Variants in PSMF1 observed in about 807,000 individuals in gnomAD.
PSMF1 encodes proteasome inhibitor PI31 subunit.
Under a neutral mutation model 29.3 loss-of-function variants are expected in PSMF1, and 30 were observed. The observed-to-expected ratio is 1.02, with a 90% CI of 0.77 to 1.39. The LOEUF (loss-of-function observed/expected upper bound fraction) is 1.39, where lower values mean the gene tolerates loss of function less well. Among genes scored for constraint, PSMF1 ranks in the 40% most tolerant of loss-of-function variants. PSMF1 has a pLI of 0.00. For missense variants in PSMF1, 344 were observed against 357.5 expected (o/e 0.96, Z 0.31); for synonymous variants, 134 against 139.7 (o/e 0.96, Z 0.29).
intron 4 of PSMF1, among the ~76,000 whole-genome samples, chr20:1,145,493 A>G (rs976416245): frequency 6.6e-6 from 1 of 152,168 alleles, no homozygotes; most frequent in African/African-American, 2.4e-5. Flanking sequence ...AGCCAGACAG[A>G]GAGTAGGGCA....
Position 1,129,812 on chromosome 20 carries a change from C to T in PSMF1, c.365+2304C>T, listed in dbSNP as rs1447326928. 2.6e-5 allele frequency among the ~76,000 whole-genome samples: 4 copies of T among 152,202 alleles called. No homozygotes were observed. In the South Asian group the frequency reaches 8.3e-4, roughly 31 times the overall value. On this transcript the variant is annotated intron_variant, in intron 3 of 6. Transcript: ENST00000335877. Reference sequence around the variant, plus strand: ...AAATTACCGTATAATCCTGCATGTCCACTTCCGGGCATATACCCAAAAGAA... The same window carrying T: ...AAATTACCGTATAATCCTGCATGTCTACTTCCGGGCATATACCCAAAAGAA...
chr20:1,113,769 T>C (rs1039689312), upstream of PSMF1, among the ~76,000 whole-genome samples: 1 of 152,172 alleles, frequency 6.6e-6, no homozygotes, highest in African/African-American at 2.4e-5. Context: ...CTCAGCTTAC[T>C]GCAAGCTCTG....
intron 1 of PSMF1, among the ~76,000 whole-genome samples, chr20:1,119,753 C>T (rs1232961987): frequency 6.6e-6 from 1 of 152,172 alleles, no homozygotes; most frequent in African/African-American, 2.4e-5. Context: ...CTGTGACCCT[C>T]ATCCCCAACA....
At chr20:1,162,710 G>A (rs1021902725) in intron 4 of PSMF1, among the ~76,000 whole-genome samples, 1 of 152,136 alleles carries the variant, frequency 6.6e-6, no homozygotes, top group African/African-American at 2.4e-5. Flanking sequence ...TGTTCTAGCT[G>A]TATGTGACTC....
At chr20:1,114,214 C>T (rs6039922), upstream of PSMF1, among the ~76,000 whole-genome samples, 16,285 of 152,194 alleles carry the variant, frequency 0.11, 986 homozygotes, top group African/African-American at 0.13. Context: ...TGAGACATGC[C>T]CCACACTGCC....
chr20:1,127,891 AATTGAGC>A (rs2086180088), intron 3 of PSMF1, among the ~76,000 whole-genome samples: 1 of 152,186 alleles, frequency 6.6e-6, no homozygotes, highest in African/African-American at 2.4e-5. Context: ...GTACAAGCAA[AATTGAGC>A]AGAAAGTGCA....
At chr20:1,152,125 A>C (rs2086538818) in intron 4 of PSMF1, among the ~76,000 whole-genome samples, 1 of 152,114 alleles carries the variant, frequency 6.6e-6, no homozygotes, top group African/African-American at 2.4e-5. Flanking sequence ...TGGACGTGTT[A>C]ACATGGTTAA....
chr20:1,170,386 A>C lies in PSMF1; in HGVS notation c.*5306A>C, dbSNP rs551636083. Among the ~76,000 whole-genome samples, 1 of 152,302 alleles carries C rather than the reference A, an allele frequency of 6.6e-6. No homozygotes were observed. The highest frequency in any genetic ancestry group is 1.9e-4 in the East Asian group (1 of 5,192). On this transcript the variant is annotated 3_prime_UTR_variant, in exon 7 of 7. Transcript: ENST00000335877. ...TAATGCATGCATGAACTCTGATTCG[A>C]AGTTTTCGTTGATTTTACCCCCAGT...
rs2086741008 is a variant in PSMF1, at chr20:1,167,225, T to C, written c.*2145T>C. 1 of 152,188 alleles carries C rather than the reference T, an allele frequency of 6.6e-6. No homozygotes were observed. The highest frequency in any genetic ancestry group is 1.5e-5 in the Non-Finnish European group (1 of 68,038). 9.4% of individuals were successfully genotyped at this position (152,188 alleles called of 1,614,324 possible). A position where few individuals can be genotyped will look rare whatever the true frequency, so the allele number is the denominator to read the frequency against. ...TGGGCCACTTCCCTCCTTCCAGTCA[T>C]GAGTAATCATCAAGGAGCAAGTTGG... On this transcript the variant is annotated 3_prime_UTR_variant, in exon 7 of 7. Transcript: ENST00000335877.
At chr20:1,146,655 C>T (rs764070373) in intron 4 of PSMF1, among the ~76,000 whole-genome samples, 3 of 152,120 alleles carry the variant, frequency 2.0e-5, no homozygotes, top group African/African-American at 2.4e-5. Flanking sequence ...TCTCCCCCCA[C>T]GTCAAGGAGA....
chr20:1,138,453 G>A (rs915441389), intron 4 of PSMF1, among the ~76,000 whole-genome samples: 1 of 151,086 alleles, frequency 6.6e-6, no homozygotes, highest in Non-Finnish European at 1.5e-5. Flanking sequence ...AACCCGGGAG[G>A]TGGAGGTTGT....
At chr20:1,145,395 G>A (rs1001761528) in intron 4 of PSMF1, among the ~76,000 whole-genome samples, 2 of 152,088 alleles carry the variant, frequency 1.3e-5, no homozygotes, top group African/African-American at 4.8e-5. Flanking sequence ...GGAGCACATA[G>A]GAAAAGGAAT....
intron 3 of PSMF1, among the ~76,000 whole-genome samples, chr20:1,133,848 G>C (rs1295224106): frequency 6.6e-6 from 1 of 151,676 alleles, no homozygotes; most frequent in Non-Finnish European, 1.5e-5. Context: ...CATTTTGGCT[G>C]AGTTGTAGTT....
Position 1,167,133 on chromosome 20 carries a change from T to C in PSMF1, c.*2053T>C, listed in dbSNP as rs1161889247. On this transcript the variant is annotated 3_prime_UTR_variant, in exon 7 of 7. Coordinates refer to ENST00000335877, the MANE Select transcript of PSMF1 (RefSeq NM_006814.5). ...GAAACACAGTCATTGTCTTAGGTGT[T>C]CTATGGGAGGAAGTGAATAGAGCCT... 1 of 152,182 alleles carries C rather than the reference T, an allele frequency of 6.6e-6. No individual in the cohort carries two copies. Among genetic ancestry groups the C allele is most frequent in the East Asian group, 1.9e-4 (1 of 5,194 alleles). The allele number at this position is 152,182 out of a possible 1,614,324, so 9.4% of individuals were successfully genotyped here.
intron 1 of PSMF1, among the ~76,000 whole-genome samples, chr20:1,124,917 C>T (rs978902280): frequency 6.6e-6 from 1 of 152,186 alleles, no homozygotes; most frequent in African/African-American, 2.4e-5. Context: ...GAAGGAGGGA[C>T]ATTTATTGGA....
At chr20:1,159,072 G>GAAAA (rs144977961) in intron 4 of PSMF1, among the ~76,000 whole-genome samples, 48,757 of 146,868 alleles carry the variant, frequency 0.33, 8,581 homozygotes, top group East Asian at 0.71. Context: ...AAAAAAAAAA[G>GAAAA]AAGAAGTAAA....
chr20:1,134,438 A>G (rs992086813), intron 3 of PSMF1, among the ~76,000 whole-genome samples: 14 of 152,094 alleles, frequency 9.2e-5, no homozygotes, highest in Non-Finnish European at 1.6e-4. Context: ...CATACTTTAT[A>G]TGATTTCAGT....
intron 4 of PSMF1, among the ~76,000 whole-genome samples, chr20:1,157,808 G>C (rs189795795): frequency 4.2e-4 from 64 of 151,348 alleles, no homozygotes; most frequent in African/African-American, 1.5e-3. Context: ...CTTCATTCCT[G>C]AAGGGTCTGG....
chr20:1,144,817 T>G (rs957810016), intron 4 of PSMF1, among the ~76,000 whole-genome samples: 1 of 152,128 alleles, frequency 6.6e-6, no homozygotes, highest in African/African-American at 2.4e-5. Flanking sequence ...ATGAGAGAGA[T>G]CTTTGTGGTG....
Sources: gnomAD v4.1 joint callset for allele counts (sites outside exome capture counted in the v4.1 genomes callset) on GRCh38, gnomAD v4.1.1 for gene constraint, MANE v1.5 for transcripts, NCBI Gene and HGNC (gene_info 2026-07-23, HGNC 2026-07-21) for gene names.